The following NPL variants were observed in gnomAD, a reference collection of about 807,000 sequenced individuals.
The protein encoded by NPL is N-acetylneuraminate lyase.
NPL carries 32 observed loss-of-function variants against 41.1 expected under a neutral mutation model. That is an observed-to-expected ratio of 0.78 (90% CI 0.59 to 1.05). The LOEUF is 1.05. Among genes scored for constraint, NPL ranks in the 50% least tolerant of loss-of-function variants. The probability of loss-of-function intolerance (pLI) is 0.00; values close to 1 mark genes in which losing one functional copy is unlikely to be tolerated. For missense variants in NPL, 321 were observed against 378.4 expected (o/e 0.85, Z 1.26); for synonymous variants, 128 against 134.9 (o/e 0.95, Z 0.35).
At chr1:182,815,007 G>T (rs1169317246) in intron 7 of NPL, 149 bp downstream of exon 7, 2 of 674,584 alleles carry the variant, frequency 3.0e-6, no homozygotes, top group African/African-American at 1.8e-5. Context: ...TGAAATATTT[G>T]CTCTCCCTGG....
At chr1:182,812,374 TA>T (rs1334793145) in intron 6 of NPL, among the ~76,000 whole-genome samples, 161 bp downstream of exon 6, 2 of 152,126 alleles carry the variant, frequency 1.3e-5, no homozygotes, top group African/African-American at 4.8e-5. Flanking sequence ...CATTGAGCCA[TA>T]AAGAAAAGGT....
intron 12 of NPL, among the ~76,000 whole-genome samples, chr1:182,827,818 G>A (rs1667670128): frequency 6.6e-6 from 1 of 151,998 alleles, no homozygotes; most frequent in African/African-American, 2.4e-5. Flanking sequence ...GTAATTTTTA[G>A]CTTTGAGCTC....
rs76335726 is a variant in NPL at position 182,816,747 on chromosome 1, C to T, written c.398C>T (p.Ala133Val). 3 of 1,612,208 alleles carry T rather than the reference C, an allele frequency of 1.9e-6. No individual in the cohort carries two copies. Among genetic ancestry groups the T allele is most frequent in the African/African-American group, 2.7e-5 (2 of 75,048 alleles). The change falls in exon 8 of 13, where the codon GCT becomes GTT. Residue 133 changes from alanine to valine, a missense_variant. Transcript: ENST00000367553. ...ATTAATTTCCTAAAGGAAGTGGCTG[C>T]TGCCGCCCCTGCCCTGCCATTTTAT... ...ILINFLKEVA[A>V]AAPALPFYYY...
chr1:182,796,692 A>G (rs1666677516), intron 3 of NPL, among the ~76,000 whole-genome samples: 1 of 152,142 alleles, frequency 6.6e-6, no homozygotes, highest in African/African-American at 2.4e-5. Flanking sequence ...CTGGATCCCA[A>G]GCTTTGCCAC....
chr1:182,793,743 T>C (rs1220538340), intron 2 of NPL, among the ~76,000 whole-genome samples: 3 of 152,224 alleles, frequency 2.0e-5, no homozygotes, highest in African/African-American at 7.2e-5. Context: ...ATTCTAAGAA[T>C]GAAGACAATG....
rs149584741 is a variant in NPL at position 182,825,010 on chromosome 1, C to T, written c.739-771C>T. On this transcript the variant is annotated intron_variant, in intron 11 of 12. Transcript: ENST00000367553. ...AAGGAATTTTGTTATAGCAGTGTCA[C>T]CCAGTTCTTTGAACATTTTTTGAGT... Among the ~76,000 whole-genome samples, 971 of 152,252 alleles carry T rather than the reference C, an allele frequency of 6.4e-3. 13 individuals carry two copies. Among genetic ancestry groups the T allele is most frequent in the South Asian group, 0.056 (271 of 4,820 alleles).
intron 3 of NPL, among the ~76,000 whole-genome samples, chr1:182,796,126 GT>G (rs1452147482): frequency 8.0e-6 from 1 of 125,752 alleles, no homozygotes; most frequent in Non-Finnish European, 1.6e-5. Flanking sequence ...TCAATTCTGC[GT>G]TTTTCTTCTA....
intron 12 of NPL, 175 bp downstream of exon 12, chr1:182,825,995 A>T: frequency 1.5e-6 from 1 of 673,932 alleles, no homozygotes. Flanking sequence ...AAGTAAACCT[A>T]GTTGGAAAAT....
At chr1:182,805,073 T>C (rs578131970) in intron 4 of NPL, among the ~76,000 whole-genome samples, 2 of 152,272 alleles carry the variant, frequency 1.3e-5, no homozygotes, top group East Asian at 3.9e-4. Context: ...AGTGCCACCA[T>C]ATGCATGAGA....
chr1:182,819,483 C>T (rs1422057993), intron 10 of NPL, among the ~76,000 whole-genome samples: 2 of 151,210 alleles, frequency 1.3e-5, no homozygotes, highest in East Asian at 1.9e-4. Context: ...TGGTGGCAGG[C>T]ACCTGTAATC....
chr1:182,828,907 A>G lies in NPL; in HGVS notation c.962A>G (p.Ter321TrpextTer11). 6.2e-7 allele frequency: 1 copy of G among 1,614,184 alleles called. No homozygotes were observed. Among genetic ancestry groups the G allele is most frequent in the Non-Finnish European group, 8.5e-7 (1 of 1,180,008 alleles). The change falls in exon 13 of 13, where the codon TAG becomes TGG. Residue 321 changes from the stop codon to tryptophan (W), a stop_lost. Transcript: ENST00000367553. This position sits in a 1 kb window ranked among gnomAD's most constrained non-coding sequence, Gnocchi z 4.0. Reference sequence around the variant, plus strand: ...GATGGAAACTTGGAAGCTGGTAGCTAGTGCCTCTCTATCAAATCAGGGTTT... The same window carrying G: ...GATGGAAACTTGGAAGCTGGTAGCTGGTGCCTCTCTATCAAATCAGGGTTT... ...LKDGNLEAGS* is the reference protein window; with the variant it reads ...LKDGNLEAGSW
chr1:182,800,460 A>C (rs905167311), intron 3 of NPL, among the ~76,000 whole-genome samples: 1 of 144,526 alleles, frequency 6.9e-6, no homozygotes, highest in Non-Finnish European at 1.5e-5. Flanking sequence ...AAAAAAAAAA[A>C]CGGACAGAAT....
intron 10 of NPL, among the ~76,000 whole-genome samples, chr1:182,820,483 G>C (rs1000575940): frequency 1.9e-4 from 29 of 152,176 alleles, no homozygotes; most frequent in African/African-American, 6.5e-4. Flanking sequence ...ATGTGTATTT[G>C]TTGACCATAT....
In NPL at chr1:182,812,214, G is replaced by A. The variant is rs758017325; in HGVS notation, c.288+1G>A. 6.2e-7 allele frequency: 1 copy of A among 1,612,436 alleles called. No homozygotes were observed. Among genetic ancestry groups the A allele is most frequent in the South Asian group, 1.1e-5 (1 of 91,072 alleles). Reference sequence around the variant, plus strand: ...GAGCTTGAAGGAGTCACAGGAACTGGTATGTATGCAGTTCCATCTGGGAGA... The same window carrying A: ...GAGCTTGAAGGAGTCACAGGAACTGATATGTATGCAGTTCCATCTGGGAGA... On this transcript the variant is annotated splice_donor_variant, in intron 6 of 12. Coordinates refer to ENST00000367553, the MANE Select transcript of NPL (RefSeq NM_030769.3). LOFTEE classifies it high-confidence loss of function.
chr1:182,797,189 T>G (rs1220974708), intron 3 of NPL, among the ~76,000 whole-genome samples: 1 of 152,188 alleles, frequency 6.6e-6, no homozygotes, highest in East Asian at 1.9e-4. Flanking sequence ...AAAGTACCTA[T>G]AATTCCAGTC....
intron 4 of NPL, among the ~76,000 whole-genome samples, chr1:182,805,412 CAA>C (rs1445785980): frequency 5.9e-5 from 9 of 151,880 alleles, no homozygotes; most frequent in African/African-American, 1.2e-4. Context: ...GCCTGGGCGA[CAA>C]GAGCAAAATT....
At chr1:182,825,733 T>C in intron 11 of NPL, 48 bp from the exon 12 acceptor site, 1 of 1,221,026 alleles carries the variant, frequency 8.2e-7, no homozygotes, top group African/African-American at 1.5e-5. Flanking sequence ...ATTTACATTG[T>C]TTACACAGTT....
intron 5 of NPL, among the ~76,000 whole-genome samples, chr1:182,808,776 GA>G (rs1667093347): frequency 6.6e-6 from 1 of 151,958 alleles, no homozygotes; most frequent in African/African-American, 2.4e-5. Context: ...ACAACATACA[GA>G]GACCCTGTCT....
intron 1 of NPL, among the ~76,000 whole-genome samples, chr1:182,790,252 T>C (rs6691245): frequency 0.26 from 39,346 of 152,114 alleles, 8,231 homozygotes; most frequent in African/African-American, 0.58. Flanking sequence ...CATTCTGCCC[T>C]CACTTTCTGT....
Sources: allele counts gnomAD v4.1 joint callset (sites outside exome capture counted in the v4.1 genomes callset), GRCh38; gene constraint gnomAD v4.1.1; non-coding constraint Gnocchi (gnomAD v3.1); transcripts MANE v1.5; gene names NCBI Gene and HGNC (gene_info 2026-07-23, HGNC 2026-07-21).